OR10Z1: variants seen among roughly 807,000 people sequenced by gnomAD.
The protein encoded by OR10Z1 is olfactory receptor 10Z1.
For missense variants in OR10Z1, 468 were observed against 371.0 expected, an observed-to-expected ratio of 1.26 and a Z score of -2.15; for synonymous variants, 187 against 151.2, an observed-to-expected ratio of 1.24 and a Z score of -1.74.
intron 1 of OR10Z1, among the ~76,000 whole-genome samples, chr1:158,605,988 T>C (rs746595149): frequency 5.9e-5 from 9 of 152,336 alleles, no homozygotes; most frequent in Non-Finnish European, 1.2e-4. Context: ...ATCTACGAAT[T>C]TGCATGCTAT....
rs1350351022 is a variant in OR10Z1, at chr1:158,612,073, G to A, written c.*4693G>A. The A allele has an allele frequency of 6.5e-6, 1 of 154,648 alleles. No homozygotes were observed. The highest frequency in any genetic ancestry group is 1.4e-5 in the Non-Finnish European group (1 of 69,832). The allele number at this position is 154,648 out of a possible 1,614,324, so 9.6% of individuals were successfully genotyped here. A position where few individuals can be genotyped will look rare whatever the true frequency, so the allele number is the denominator to read the frequency against. On this transcript the variant is annotated 3_prime_UTR_variant, in exon 2 of 2. Transcript: ENST00000641002. ...AGTTTGTGCAAAACGATACCATCAT[G>A]TATGTGACCCTTTGTAATCTGGTTT... is the stretch of plus-strand genomic sequence containing the variant.
rs781329762 is a variant in OR10Z1 at position 158,612,241 on chromosome 1, A to C, written c.*4861A>C. On this transcript the variant is annotated 3_prime_UTR_variant, in exon 2 of 2. Coordinates refer to ENST00000641002, the MANE Select transcript of OR10Z1 (RefSeq NM_001004478.2). ...ACTTAGGCTTTCCTTTGATGACTTGATGAGTTCCTGCACGTCCTTCAACAC... is the reference window on the plus strand; with the variant it reads ...ACTTAGGCTTTCCTTTGATGACTTGCTGAGTTCCTGCACGTCCTTCAACAC... 2.5e-4 allele frequency: 39 copies of C among 158,458 alleles called. No homozygotes were observed. The highest frequency in any genetic ancestry group is 4.9e-4 in the Non-Finnish European group (35 of 72,136). 9.8% of individuals were successfully genotyped at this position (158,458 alleles called of 1,614,324 possible). A position where few individuals can be genotyped will look rare whatever the true frequency, so the allele number is the denominator to read the frequency against.
chr1:158,607,276 G>A lies in OR10Z1; in HGVS notation c.838G>A (p.Val280Ile). Residue 280 changes from valine to isoleucine, a missense_variant, in exon 2 of 2, where the codon GTA becomes ATA. Transcript: ENST00000641002. ...RDQLIAMTYT[V>I]VTPLLNPIVY... The stretch of plus-strand genomic sequence containing the variant: ...TCAGCTTATTGCCATGACCTATACT[G>A]TAGTGACCCCCCTCCTTAATCCCAT... 1 of 1,614,032 alleles carries A rather than the reference G, an allele frequency of 6.2e-7. No homozygotes were observed. Among genetic ancestry groups the A allele is most frequent in the Non-Finnish European group, 8.5e-7 (1 of 1,179,928 alleles).
At position 158,607,093 on chromosome 1, in the gene OR10Z1, G is replaced by T; in HGVS notation, c.655G>T (p.Ala219Ser). The change falls in exon 2 of 2, where the codon GCC becomes TCC. Residue 219 changes from alanine (A) to serine (S), a missense_variant. Physicochemically the swap from Ala to Ser is moderately conservative, Grantham distance 99. Coordinates refer to ENST00000641002, the MANE Select transcript of OR10Z1 (RefSeq NM_001004478.2). ...CTTCTTCTTCATCACCATCTCCTAC[G>T]CCTACATCTTGGCAGCAATACTGAG... ...VSFFFITISYAYILAAILRIP... is the reference protein window; with the variant it reads ...VSFFFITISYSYILAAILRIP... 2 of 1,613,828 alleles carry T rather than the reference G, an allele frequency of 1.2e-6. No homozygotes were observed. Among genetic ancestry groups the T allele is most frequent in the Non-Finnish European group, 1.7e-6 (2 of 1,179,942 alleles).
In OR10Z1 at chr1:158,611,376, T is replaced by C; in HGVS notation, c.*3996T>C. 1 of 1,613,676 alleles carries C rather than the reference T, an allele frequency of 6.2e-7. No homozygotes were observed. The highest frequency in any genetic ancestry group is 8.5e-7 in the Non-Finnish European group (1 of 1,179,700). ...ATGTGTGGCACAGAATGACACTTGC[T>C]CTGGGGTAAGGGCCTGAAAAGTATA... On this transcript the variant is annotated 3_prime_UTR_variant, in exon 2 of 2. Coordinates refer to ENST00000641002, the MANE Select transcript of OR10Z1 (RefSeq NM_001004478.2).
In OR10Z1 at chr1:158,606,468, G is replaced by A; in HGVS notation, c.30G>A (p.Arg10=). The change falls in exon 2 of 2, where the codon AGG becomes AGA. Residue 10 remains arginine (R), a synonymous_variant. Coordinates refer to ENST00000641002, the MANE Select transcript of OR10Z1 (RefSeq NM_001004478.2). ...GGCAGACCAACGTAACCTCCTGGAG[G>A]GATTTTGTCTTCCTGGGCTTCTCCA... The part of the protein sequence containing the change: MGQTNVTSW[R]DFVFLGFSSS... 1 of 1,613,710 alleles carries A rather than the reference G, an allele frequency of 6.2e-7. No individual in the cohort carries two copies. The highest frequency in any genetic ancestry group is 2.2e-5 in the East Asian group (1 of 44,874).
chr1:158,606,249 C>T, intron 1 of OR10Z1, 77 bp from the exon 2 acceptor site: 1 of 590,798 alleles, frequency 1.7e-6, no homozygotes, highest in South Asian at 2.1e-5. Flanking sequence ...TGGGAATGGA[C>T]CCATACATTT....
Position 158,608,332 on chromosome 1 carries a change from G to A in OR10Z1, c.*952G>A, listed in dbSNP as rs1273102027. 1.8e-4 allele frequency: 28 copies of A among 152,092 alleles called. No homozygotes were observed. The highest frequency in any genetic ancestry group is 1.5e-5 in the Non-Finnish European group (1 of 68,026). 9.4% of individuals were successfully genotyped at this position (152,092 alleles called of 1,614,324 possible). The stretch of plus-strand genomic sequence containing the variant: ...ATATATAGCGGCGGACATTATTAGA[G>A]AAAGTGTAATGAACTCACAAGACCG... On this transcript the variant is annotated 3_prime_UTR_variant, in exon 2 of 2. Coordinates refer to ENST00000641002, the MANE Select transcript of OR10Z1 (RefSeq NM_001004478.2).
At chr1:158,605,491 T>C (rs1437684861) in intron 1 of OR10Z1, 90 bp downstream of exon 1, 1 of 152,614 alleles carries the variant, frequency 6.6e-6, no homozygotes, top group Non-Finnish European at 1.5e-5. Context: ...GAGAGATGCA[T>C]GCTGCACAAC....
chr1:158,611,542 T>C lies in OR10Z1; in HGVS notation c.*4162T>C, dbSNP rs1446901400. ...TTACACACAATTTTTATCTCATAAA[T>C]TTATAATTTCTAATGAGTAACTTAA... On this transcript the variant is annotated 3_prime_UTR_variant, in exon 2 of 2. Transcript: ENST00000641002. The C allele has an allele frequency of 2.6e-6, 2 of 773,534 alleles. No homozygotes were observed. Among genetic ancestry groups the C allele is most frequent in the Non-Finnish European group, 4.0e-6 (2 of 498,198 alleles). 47.9% of individuals were successfully genotyped at this position (773,534 alleles called of 1,614,324 possible). A position where few individuals can be genotyped will look rare whatever the true frequency, so the allele number is the denominator to read the frequency against.
Position 158,611,148 on chromosome 1 carries a change from C to CACACAT in OR10Z1, c.*3773_*3774insTACACA. On this transcript the variant is annotated 3_prime_UTR_variant, in exon 2 of 2. Transcript: ENST00000641002. ...AAACACAAGCACACACACACACACA[C>CACACAT]ACACACACACACACACACGAGGCCA... 7.9e-7 allele frequency: 1 copy of CACACAT among 1,259,202 alleles called. No individual in the cohort carries two copies. Among genetic ancestry groups the CACACAT allele is most frequent in the Non-Finnish European group, 1.1e-6 (1 of 871,216 alleles). 78.0% of individuals were successfully genotyped at this position (1,259,202 alleles called of 1,614,324 possible).
rs943402322 is a variant in OR10Z1, at chr1:158,611,483, G to C, written c.*4103G>C. ...ATATTACGCCATAAATGCAGGAGAT[G>C]GAGAGTCTCTGGAAGACGCAAGCCC... On this transcript the variant is annotated 3_prime_UTR_variant, in exon 2 of 2. Transcript: ENST00000641002. 2.7e-6 allele frequency: 4 copies of C among 1,480,486 alleles called. No individual in the cohort carries two copies. The highest frequency in any genetic ancestry group is 3.7e-6 in the Non-Finnish European group (4 of 1,068,624). 91.7% of individuals were successfully genotyped at this position (1,480,486 alleles called of 1,614,324 possible). A position where few individuals can be genotyped will look rare whatever the true frequency, so the allele number is the denominator to read the frequency against.
At position 158,609,878 on chromosome 1, in the gene OR10Z1, C is replaced by G. The variant is rs1477781891; in HGVS notation, c.*2498C>G. On this transcript the variant is annotated 3_prime_UTR_variant, in exon 2 of 2. Transcript: ENST00000641002. ...GGGAATGGAATCACATCCACCTTTG[C>G]TTGTGATTATTTTCAGCACAAATAG... 6 of 152,054 alleles carry G rather than the reference C, an allele frequency of 3.9e-5. No homozygotes were observed. The highest frequency in any genetic ancestry group is 1.4e-4 in the African/African-American group (6 of 41,406). 9.4% of individuals were successfully genotyped at this position (152,054 alleles called of 1,614,324 possible).
rs1649088956 is a variant in OR10Z1, at chr1:158,607,388, C to T, written c.*8C>T. The T allele has an allele frequency of 1.9e-6, 3 of 1,599,442 alleles. No individual in the cohort carries two copies. Among genetic ancestry groups the T allele is most frequent in the Non-Finnish European group, 2.6e-6 (3 of 1,168,982 alleles). ...TTGCTGGGTAAAGGATGAAGGTTAC[C>T]CCAATAGGACACTTTCTTCTGTGTA... On this transcript the variant is annotated 3_prime_UTR_variant, in exon 2 of 2. Coordinates refer to ENST00000641002, the MANE Select transcript of OR10Z1 (RefSeq NM_001004478.2).
In OR10Z1 at chr1:158,607,485, C is replaced by G; in HGVS notation, c.*105C>G. On this transcript the variant is annotated 3_prime_UTR_variant, in exon 2 of 2. Coordinates refer to ENST00000641002, the MANE Select transcript of OR10Z1 (RefSeq NM_001004478.2). ...GGCCTCAGGCCAAAGCTGTCCTACC[C>G]CCAATCTTCTGGGAAAGCCTTATCC... 1.2e-6 allele frequency: 1 copy of G among 840,604 alleles called. No homozygotes were observed. The highest frequency in any genetic ancestry group is 1.9e-6 in the Non-Finnish European group (1 of 534,824). The allele number at this position is 840,604 out of a possible 1,614,324, so 52.1% of individuals were successfully genotyped here.
intron 1 of OR10Z1, among the ~76,000 whole-genome samples, 179 bp downstream of exon 1, chr1:158,605,580 G>A (rs1224729609): frequency 6.6e-6 from 1 of 152,162 alleles, no homozygotes; most frequent in Non-Finnish European, 1.5e-5. Flanking sequence ...TCTGCCCAAG[G>A]AATTTGGAAA....
chr1:158,607,180 G>T lies in OR10Z1; in HGVS notation c.742G>T (p.Val248Phe). ...FSTCASHLTV[V>F]IIHYGCASFV... The stretch of plus-strand genomic sequence containing the variant: ...CACTTGTGCCTCGCACCTTACAGTG[G>T]TCATTATTCATTATGGCTGTGCTTC... Residue 248 changes from valine (V) to phenylalanine (F), a missense_variant, in exon 2 of 2, where the codon GTC becomes TTC. Val to Phe is a conservative substitution (Grantham distance 50, BLOSUM62 -1). Coordinates refer to ENST00000641002, the MANE Select transcript of OR10Z1 (RefSeq NM_001004478.2). 3 of 1,614,012 alleles carry T rather than the reference G, an allele frequency of 1.9e-6. No homozygotes were observed. The highest frequency in any genetic ancestry group is 2.5e-6 in the Non-Finnish European group (3 of 1,179,964).
chr1:158,605,609 G>C (rs1649029504), intron 1 of OR10Z1, among the ~76,000 whole-genome samples: 1 of 152,198 alleles, frequency 6.6e-6, no homozygotes, highest in Non-Finnish European at 1.5e-5. Context: ...TGGCTTGGAA[G>C]AGGGGTTGTA....
chr1:158,608,732 G>A lies in OR10Z1; in HGVS notation c.*1352G>A, dbSNP rs893070084. ...AGAAGAGAGAATGTAATAGCCAAAG[G>A]CTTGATGGTAAGACAATATAAGCCT... On this transcript the variant is annotated 3_prime_UTR_variant, in exon 2 of 2. Coordinates refer to ENST00000641002, the MANE Select transcript of OR10Z1 (RefSeq NM_001004478.2). 3.9e-5 allele frequency: 6 copies of A among 152,128 alleles called. No homozygotes were observed. The South Asian group carries it at 6.2e-4, about 16-fold the overall frequency. 9.4% of individuals were successfully genotyped at this position (152,128 alleles called of 1,614,324 possible). A position where few individuals can be genotyped will look rare whatever the true frequency, so the allele number is the denominator to read the frequency against.
Sources: allele counts gnomAD v4.1 joint callset (sites outside exome capture counted in the v4.1 genomes callset), GRCh38; gene constraint gnomAD v4.1.1; transcripts MANE v1.5; gene names NCBI Gene and HGNC (gene_info 2026-07-23, HGNC 2026-07-21).